The following TMX1 variants were observed in gnomAD, a reference collection of about 807,000 sequenced individuals.
TMX1 encodes the protein thioredoxin-related transmembrane protein 1.
In TMX1, 25 loss-of-function variants were observed where a neutral mutation model predicts 36.6. That is an observed-to-expected ratio of 0.68 (90% CI 0.50 to 0.95). The LOEUF is 0.95. Among genes scored for constraint, TMX1 ranks in the 40% least tolerant of loss-of-function variants. TMX1 has a pLI of 0.00. For missense variants in TMX1, 347 were observed against 339.6 expected (o/e 1.02, Z -0.17); for synonymous variants, 133 against 118.0 (o/e 1.13, Z -0.82).
At chr14:51,250,616 C>T (rs569053100) in intron 7 of TMX1, among the ~76,000 whole-genome samples, 5 of 152,180 alleles carry the variant, frequency 3.3e-5, no homozygotes, top group Admixed American at 6.5e-5. Context: ...CTTGCCCTGC[C>T]GAGTAGCTGG....
chr14:51,242,187 C>T lies in TMX1; in HGVS notation c.153-1669C>T, dbSNP rs185612021. On this transcript the variant is annotated intron_variant, in intron 1 of 7. Coordinates refer to ENST00000457354, the MANE Select transcript of TMX1 (RefSeq NM_030755.5). ...GATAAAGGGAAATTTTCATAGTATG[C>T]ATGTAGTCTGCAATTCTGAAATGAA... Among the ~76,000 whole-genome samples, 261 of 152,196 alleles carry T rather than the reference C, an allele frequency of 1.7e-3. 1 individual carries two copies. Among genetic ancestry groups the T allele is most frequent in the South Asian group, 0.013 (62 of 4,820 alleles).
intron 3 of TMX1, among the ~76,000 whole-genome samples, chr14:51,246,290 A>G (rs904310475): frequency 6.6e-6 from 1 of 152,022 alleles, no homozygotes; most frequent in Non-Finnish European, 1.5e-5. Context: ...AAAATTGTTT[A>G]CCATATCCTT....
intron 7 of TMX1, among the ~76,000 whole-genome samples, chr14:51,250,273 A>G (rs1426287387): frequency 5.9e-5 from 9 of 152,212 alleles, no homozygotes; most frequent in Admixed American, 5.2e-4. Flanking sequence ...TGTACTGTTA[A>G]TGGAAGCATT....
chr14:51,249,774 A>G lies in TMX1; in HGVS notation c.664+9A>G, dbSNP rs762928972. The G allele has an allele frequency of 5.0e-6, 8 of 1,587,394 alleles. No individual in the cohort carries two copies. Among genetic ancestry groups the G allele is most frequent in the Non-Finnish European group, 6.0e-6 (7 of 1,164,944 alleles). On this transcript the variant is annotated intron_variant, in intron 7 of 7. Coordinates refer to ENST00000457354, the MANE Select transcript of TMX1 (RefSeq NM_030755.5). Reference sequence around the variant, plus strand: ...GTACCCATACCCTTCAAGTAAGTATATTTTAAAATGTTTATTTTTTATTCA... The same window carrying G: ...GTACCCATACCCTTCAAGTAAGTATGTTTTAAAATGTTTATTTTTTATTCA...
intron 2 of TMX1, 25 bp from the exon 3 acceptor site, chr14:51,245,288 C>T: frequency 6.2e-7 from 1 of 1,613,082 alleles, no homozygotes; most frequent in South Asian, 1.1e-5. Flanking sequence ...CTATGTAAAA[C>T]CTGCTGTGTG....
chr14:51,242,329 A>G (rs913512682), intron 1 of TMX1, among the ~76,000 whole-genome samples: 1 of 152,220 alleles, frequency 6.6e-6, no homozygotes, highest in Non-Finnish European at 1.5e-5. Flanking sequence ...TAAGCAATAT[A>G]TTAAGCAATA....
chr14:51,242,128 C>CA (rs959979800), intron 1 of TMX1, among the ~76,000 whole-genome samples: 299 of 149,802 alleles, frequency 2.0e-3, no homozygotes, highest in African/African-American at 6.4e-3. Flanking sequence ...GACTCAATCT[C>CA]AAAAAAAAAG....
rs1230790732 is a variant in TMX1, at chr14:51,257,221, G to A, written c.*2702G>A. 1.3e-5 allele frequency: 2 copies of A among 152,074 alleles called. No individual in the cohort carries two copies. The highest frequency in any genetic ancestry group is 2.9e-5 in the Non-Finnish European group (2 of 68,014). The allele number at this position is 152,074 out of a possible 1,614,324, so 9.4% of individuals were successfully genotyped here. ...TCAGTATTTGCAGTCTCGTGATGTT[G>A]GTTATTGCATAAAGTAAGTTATTGC... is the stretch of plus-strand genomic sequence containing the variant. On this transcript the variant is annotated 3_prime_UTR_variant, in exon 8 of 8. Transcript: ENST00000457354.
Position 51,254,555 on chromosome 14 carries a change from A to G in TMX1, c.*36A>G, listed in dbSNP as rs546223453. Reference sequence around the variant, plus strand: ...TAGTTATCTTAATATTATGATTTTGATAAAAACAGAAGATTGATCATTTTG... The same window carrying G: ...TAGTTATCTTAATATTATGATTTTGGTAAAAACAGAAGATTGATCATTTTG... On this transcript the variant is annotated 3_prime_UTR_variant, in exon 8 of 8. Transcript: ENST00000457354. 31 of 1,537,694 alleles carry G rather than the reference A, an allele frequency of 2.0e-5. No homozygotes were observed. In the East Asian group the frequency reaches 5.4e-4, roughly 27 times the overall value.
At chr14:51,248,844 A>G (rs2065798420) in intron 4 of TMX1, among the ~76,000 whole-genome samples, 1 of 152,220 alleles carries the variant, frequency 6.6e-6, no homozygotes, top group African/African-American at 2.4e-5. Flanking sequence ...ATGTCAAACT[A>G]ATGCTCTTGT....
intron 7 of TMX1, among the ~76,000 whole-genome samples, chr14:51,251,611 T>A (rs1459705444): frequency 6.6e-6 from 1 of 152,176 alleles, no homozygotes. Flanking sequence ...TGTTGCCAGG[T>A]CGTCCTCCTG....
At position 51,247,185 on chromosome 14, in the gene TMX1, G is replaced by T. The variant is rs370565906; in HGVS notation, c.408G>T (p.Glu136Asp). The T allele has an allele frequency of 3.7e-6, 6 of 1,613,432 alleles. No individual in the cohort carries two copies. In the African/African-American group the frequency reaches 8.0e-5, roughly 22 times the overall value. Residue 136 changes from glutamate to aspartate, a missense_variant, in exon 4 of 8, where the codon GAG becomes GAT. Transcript: ENST00000457354. ...GTGATAAAGAGTGGAAGAGTATTGA[G>T]CCCGTTTCATCATGGTTTGGTCCAG... is the stretch of plus-strand genomic sequence containing the variant. ...FISDKEWKSI[E>D]PVSSWFGPGS...
intron 7 of TMX1, 42 bp downstream of exon 7, chr14:51,249,807 C>A: frequency 7.0e-7 from 1 of 1,425,178 alleles, no homozygotes; most frequent in South Asian, 1.2e-5. Context: ...TCACGATAGT[C>A]CTATTCATTT....
intron 1 of TMX1, 46 bp from the exon 2 acceptor site, chr14:51,243,810 T>C (rs768047603): frequency 7.1e-6 from 10 of 1,400,312 alleles, no homozygotes; most frequent in Non-Finnish European, 9.7e-6. Context: ...TAAATGGTCA[T>C]ACTAAAGTGC....
At chr14:51,243,034 A>C (rs905134463) in intron 1 of TMX1, among the ~76,000 whole-genome samples, 1 of 151,872 alleles carries the variant, frequency 6.6e-6, no homozygotes, top group African/African-American at 2.4e-5. Flanking sequence ...GAAAATGTGA[A>C]GTACAGAAAG....
chr14:51,241,510 G>C (rs1163218019), intron 1 of TMX1, among the ~76,000 whole-genome samples: 1 of 152,132 alleles, frequency 6.6e-6, no homozygotes, highest in Non-Finnish European at 1.5e-5. Context: ...ATATTGCTGT[G>C]CTGGCTTTCT....
At chr14:51,246,354 A>G (rs1183641061) in intron 3 of TMX1, among the ~76,000 whole-genome samples, 1 of 152,158 alleles carries the variant, frequency 6.6e-6, no homozygotes, top group African/African-American at 2.4e-5. Context: ...AATAGCTCAA[A>G]TGACACTTCA....
chr14:51,252,547 T>A (rs933561757), intron 7 of TMX1, among the ~76,000 whole-genome samples: 1 of 152,160 alleles, frequency 6.6e-6, no homozygotes, highest in African/African-American at 2.4e-5. Flanking sequence ...TATGTAATGC[T>A]CACATTATCC....
At chr14:51,240,507 T>A in intron 1 of TMX1, 63 bp downstream of exon 1, 1 of 1,565,326 alleles carries the variant, frequency 6.4e-7, no homozygotes, top group South Asian at 1.1e-5. Flanking sequence ...CCCCGCACGT[T>A]CCTCGTGCGG....
Sources: gnomAD v4.1 joint callset for allele counts (sites outside exome capture counted in the v4.1 genomes callset) on GRCh38, gnomAD v4.1.1 for gene constraint, MANE v1.5 for transcripts, NCBI Gene and HGNC (gene_info 2026-07-23, HGNC 2026-07-21) for gene names.